The following AGBL4 variants were observed in gnomAD, a reference collection of about 807,000 sequenced individuals.
The protein encoded by AGBL4 is cytosolic carboxypeptidase 6.
Under a neutral mutation model 66.4 loss-of-function variants are expected in AGBL4, and 58 were observed. That is an observed-to-expected ratio of 0.87 (90% confidence interval 0.71 to 1.09). The LOEUF (loss-of-function observed/expected upper bound fraction) is 1.09, where lower values mean the gene tolerates loss of function less well. Ranked by LOEUF, AGBL4 falls within the 50% of genes least tolerant of loss-of-function variation. AGBL4 has a pLI of 0.00. For missense variants in AGBL4, 579 were observed against 631.0 expected (o/e 0.92, Z 0.88); for synonymous variants, 234 against 222.9 (o/e 1.05, Z -0.44).
At chr1:49,718,138 AGGT>A (rs1483167636) in intron 2 of AGBL4, among the ~76,000 whole-genome samples, 2 of 152,130 alleles carry the variant, frequency 1.3e-5, no homozygotes, top group East Asian at 3.9e-4. Flanking sequence ...CCAATGTTAG[AGGT>A]GGGGAGAGGT....
intron 5 of AGBL4, among the ~76,000 whole-genome samples, chr1:48,880,795 T>C (rs1328846353): frequency 1.3e-5 from 2 of 152,174 alleles, no homozygotes; most frequent in Non-Finnish European, 2.9e-5. Flanking sequence ...GATGCATAGG[T>C]AATAATTACA....
intron 3 of AGBL4, among the ~76,000 whole-genome samples, chr1:49,448,011 G>T (rs1646196840): frequency 6.6e-6 from 1 of 152,120 alleles, no homozygotes; most frequent in Non-Finnish European, 1.5e-5. Context: ...AAGGAGCATA[G>T]ATGCTATGGA....
intron 1 of AGBL4, among the ~76,000 whole-genome samples, chr1:49,968,342 C>T (rs890812846): frequency 1.3e-5 from 2 of 151,896 alleles, no homozygotes; most frequent in Non-Finnish European, 2.9e-5. Context: ...TACACAAATG[C>T]AATGATTTTC....
At chr1:49,051,046 G>A (rs940519681) in intron 4 of AGBL4, among the ~76,000 whole-genome samples, 3 of 152,018 alleles carry the variant, frequency 2.0e-5, no homozygotes, top group East Asian at 1.9e-4. Flanking sequence ...TAAAACAGCA[G>A]CATTCTCTGG....
chr1:49,354,027 G>A (rs1213067461), intron 3 of AGBL4, among the ~76,000 whole-genome samples: 1 of 152,214 alleles, frequency 6.6e-6, no homozygotes. Flanking sequence ...AGGGCAGGGT[G>A]TAAAAGGCTG....
At chr1:49,315,698 T>C (rs1645028176) in intron 3 of AGBL4, among the ~76,000 whole-genome samples, 1 of 151,986 alleles carries the variant, frequency 6.6e-6, no homozygotes, top group African/African-American at 2.4e-5. Context: ...GGGAGATAAT[T>C]TGGCAGTTTC....
chr1:49,808,749 T>C (rs1645030988), intron 2 of AGBL4, among the ~76,000 whole-genome samples: 1 of 152,166 alleles, frequency 6.6e-6, no homozygotes, highest in South Asian at 2.1e-4. Flanking sequence ...TAGTAGAAAC[T>C]AATTTATGTT....
At position 49,947,986 on chromosome 1, in the gene AGBL4, ATT is replaced by A. The variant is rs1347184363; in HGVS notation, c.34+75775_34+75776del. Among the ~76,000 whole-genome samples, 19 of 101,604 alleles carry A rather than the reference ATT, an allele frequency of 1.9e-4. 1 individual carries two copies. In the East Asian group the frequency reaches 3.0e-3, roughly 16 times the overall value. The allele number at this position is 101,604 out of a possible 152,430, so 66.7% of individuals were successfully genotyped here. A position where few individuals can be genotyped will look rare whatever the true frequency, so the allele number is the denominator to read the frequency against. On this transcript the variant is annotated intron_variant, in intron 1 of 13. Coordinates refer to ENST00000371839, the MANE Select transcript of AGBL4 (RefSeq NM_032785.4). Reference sequence around the variant, plus strand: ...TAAATATATATATTTATAAATATATATTTATATATATAAATATATATAAATAT... The same window carrying A: ...TAAATATATATATTTATAAATATATATATATATATAAATATATATAAATAT...
At position 49,499,359 on chromosome 1, in the gene AGBL4, C is replaced by CTTT. The variant is rs910124912; in HGVS notation, c.282+197951_282+197953dup. 4.6e-5 allele frequency among the ~76,000 whole-genome samples: 7 copies of CTTT among 151,570 alleles called. No homozygotes were observed. The Admixed American group carries it at 4.6e-4, about 10-fold the overall frequency. On this transcript the variant is annotated intron_variant, in intron 3 of 13. Transcript: ENST00000371839. The stretch of plus-strand genomic sequence containing the variant: ...TTGGTATATAATTACAAATAAAATC[C>CTTT]TTTTATTATTATTATTATTTCAATA...
At chr1:49,244,133 A>G (rs1313967183) in intron 4 of AGBL4, among the ~76,000 whole-genome samples, 1 of 152,026 alleles carries the variant, frequency 6.6e-6, no homozygotes, top group African/African-American at 2.4e-5. Context: ...AAAGGATTCT[A>G]GAACTTAACA....
chr1:49,287,114 A>G (rs1644430335), intron 3 of AGBL4, among the ~76,000 whole-genome samples: 1 of 141,952 alleles, frequency 7.0e-6, no homozygotes, highest in Admixed American at 7.2e-5. Context: ...CAATGGGGAA[A>G]GGATTCCCTA....
rs1187701701 is a variant in AGBL4, at chr1:48,838,728, A to G, written c.634+28463T>C. 2.6e-5 allele frequency among the ~76,000 whole-genome samples: 4 copies of G among 152,196 alleles called. No homozygotes were observed. In the East Asian group the frequency reaches 7.7e-4, roughly 29 times the overall value. ...AAAAAGCTTTTATACACCAAAGGAA[A>G]CAATCAACAAAGTGAAGAGACAAAC... is the stretch of plus-strand genomic sequence containing the variant. On this transcript the variant is annotated intron_variant, in intron 6 of 13. Coordinates refer to ENST00000371839, the MANE Select transcript of AGBL4 (RefSeq NM_032785.4).
chr1:49,014,414 T>C, intron 5 of AGBL4, among the ~76,000 whole-genome samples: 1 of 152,248 alleles, frequency 6.6e-6, no homozygotes, highest in Non-Finnish European at 1.5e-5. Flanking sequence ...GCTCTGCCAC[T>C]GAATACCTTA....
chr1:49,498,763 T>C (rs1647847947), intron 3 of AGBL4, among the ~76,000 whole-genome samples: 1 of 152,006 alleles, frequency 6.6e-6, no homozygotes, highest in East Asian at 1.9e-4. Context: ...AACTTGTTGA[T>C]GGTGTTTATC....
intron 5 of AGBL4, among the ~76,000 whole-genome samples, chr1:48,971,620 AAT>A (rs1415583170): frequency 2.0e-5 from 3 of 152,224 alleles, no homozygotes; most frequent in African/African-American, 7.2e-5. Context: ...AGACAAAACT[AAT>A]ATGCAGCAAT....
At chr1:49,509,973 C>G (rs1157338986) in intron 3 of AGBL4, among the ~76,000 whole-genome samples, 1 of 151,962 alleles carries the variant, frequency 6.6e-6, no homozygotes, top group Non-Finnish European at 1.5e-5. Flanking sequence ...GACAATTCAG[C>G]CTTTTATTCA....
chr1:48,910,135 G>C (rs1652961258), intron 5 of AGBL4, among the ~76,000 whole-genome samples: 1 of 152,052 alleles, frequency 6.6e-6, no homozygotes, highest in East Asian at 1.9e-4. Flanking sequence ...CAATAAACAG[G>C]GACCTTGTGA....
Position 49,724,654 on chromosome 1 carries a change from G to A in AGBL4, c.158-27217C>T, listed in dbSNP as rs571282224. ...ATGTTGAAACTCTAACCCCCAATTT[G>A]TCTGTACTTGGAGATAGTACCTGTA... On this transcript the variant is annotated intron_variant, in intron 2 of 13. Coordinates refer to ENST00000371839, the MANE Select transcript of AGBL4 (RefSeq NM_032785.4). Among the ~76,000 whole-genome samples the A allele has an allele frequency of 1.1e-3, 171 of 152,208 alleles. 1 individual carries two copies. Among genetic ancestry groups the A allele is most frequent in the African/African-American group, 4.0e-3 (166 of 41,528 alleles).
intron 5 of AGBL4, among the ~76,000 whole-genome samples, chr1:48,883,088 T>G (rs1213409906): frequency 6.6e-6 from 1 of 152,192 alleles, no homozygotes; most frequent in Non-Finnish European, 1.5e-5. Flanking sequence ...AAAGTTCAGA[T>G]TTTTCTTCAA....
Sources: gnomAD v4.1 joint callset for allele counts (sites outside exome capture counted in the v4.1 genomes callset) on GRCh38, gnomAD v4.1.1 for gene constraint, MANE v1.5 for transcripts, NCBI Gene and HGNC (gene_info 2026-07-23, HGNC 2026-07-21) for gene names.